The following SLC39A11 variants were observed in gnomAD, a reference collection of about 807,000 sequenced individuals.
SLC39A11 encodes solute carrier family 39 member 11.
Under a neutral mutation model 36.1 loss-of-function variants are expected in SLC39A11, and 33 were observed. The ratio of observed to expected loss-of-function variants is 0.91; its 90% CI spans 0.69 to 1.22. The LOEUF is 1.22. Ranked by LOEUF, SLC39A11 falls within the 50% of genes most tolerant of loss-of-function variation. The probability of loss-of-function intolerance (pLI) is 0.00; values close to 1 mark genes in which losing one functional copy is unlikely to be tolerated. For synonymous variants in SLC39A11, 166 were observed against 170.3 expected (o/e 0.97, Z 0.20); for missense variants, 432 against 430.3 (o/e 1.00, Z -0.03).
intron 4 of SLC39A11, among the ~76,000 whole-genome samples, chr17:72,990,908 A>G (rs187674063): frequency 8.5e-5 from 13 of 152,358 alleles, no homozygotes; most frequent in Middle Eastern, 3.4e-3. Context: ...TGACTATTAC[A>G]TGAGACAAAG....
chr17:72,970,265 A>C (rs1443282130), intron 4 of SLC39A11, among the ~76,000 whole-genome samples: 1 of 152,208 alleles, frequency 6.6e-6, no homozygotes. Flanking sequence ...TTTTGCTCTG[A>C]ACTAGGAACC....
chr17:73,010,756 CTTTTCT>C (rs2090463664), intron 4 of SLC39A11, among the ~76,000 whole-genome samples: 2 of 152,044 alleles, frequency 1.3e-5, no homozygotes, highest in Non-Finnish European at 2.9e-5. Context: ...TCAGATTAAG[CTTTTCT>C]TTTTGTCTCC....
chr17:72,669,984 ATATACGTATAGATG>A lies in SLC39A11; in HGVS notation c.672-20730_672-20717del, dbSNP rs1371443478. Among the ~76,000 whole-genome samples the A allele has an allele frequency of 1.6e-3, 236 of 146,004 alleles. 60 individuals carry two copies. Among genetic ancestry groups the A allele is most frequent in the South Asian group, 4.9e-3 (22 of 4,466 alleles). ...TATACGTATAGATGTATATACACAT[ATATACGTATAGATG>A]TATATACACATATATATACGTATAG... On this transcript the variant is annotated intron_variant, in intron 7 of 9. Coordinates refer to ENST00000255559, the MANE Select transcript of SLC39A11 (RefSeq NM_139177.4).
intron 7 of SLC39A11, among the ~76,000 whole-genome samples, chr17:72,720,882 T>C (rs2073632311): frequency 6.6e-6 from 1 of 152,004 alleles, no homozygotes; most frequent in Non-Finnish European, 1.5e-5. Context: ...TGCCTATTCA[T>C]CCCCCGAACA....
chr17:72,728,719 A>C (rs1027456955), intron 7 of SLC39A11, among the ~76,000 whole-genome samples: 2 of 152,118 alleles, frequency 1.3e-5, no homozygotes, highest in African/African-American at 2.4e-5. Context: ...AAGGAGTCAT[A>C]AACTATCTGG....
chr17:72,974,249 G>A (rs750868584), intron 4 of SLC39A11, among the ~76,000 whole-genome samples: 34 of 152,042 alleles, frequency 2.2e-4, no homozygotes, highest in Middle Eastern at 3.4e-3. Context: ...ACAGGCGCCC[G>A]CCACCACACT....
intron 5 of SLC39A11, among the ~76,000 whole-genome samples, chr17:72,909,728 TTC>T (rs1386517115): frequency 6.9e-6 from 1 of 145,482 alleles, no homozygotes; most frequent in Non-Finnish European, 1.5e-5. Context: ...TCAACTGTCT[TTC>T]TTTCTTTTTT....
intron 5 of SLC39A11, among the ~76,000 whole-genome samples, chr17:72,898,847 C>G (rs937851887): frequency 3.3e-5 from 5 of 152,206 alleles, no homozygotes; most frequent in Non-Finnish European, 5.9e-5. Context: ...CTTCAGAACC[C>G]TCACTCTTTC....
At chr17:73,062,747 G>A (rs560542303) in intron 3 of SLC39A11, among the ~76,000 whole-genome samples, 2 of 152,262 alleles carry the variant, frequency 1.3e-5, no homozygotes, top group Non-Finnish European at 2.9e-5. Context: ...ACGGATTGGG[G>A]GTGGGGGATG....
At chr17:72,706,983 G>A (rs539270149) in intron 7 of SLC39A11, among the ~76,000 whole-genome samples, 1 of 152,202 alleles carries the variant, frequency 6.6e-6, no homozygotes, top group African/African-American at 2.4e-5. Flanking sequence ...GGTAGCCATG[G>A]GTTATGTGTG....
chr17:73,025,341 CA>C (rs1287001402), intron 4 of SLC39A11, among the ~76,000 whole-genome samples: 2 of 152,104 alleles, frequency 1.3e-5, no homozygotes, highest in African/African-American at 4.8e-5. Flanking sequence ...ACACATCTCC[CA>C]GGAAAAAGTC....
At chr17:72,709,426 C>A (rs1469268866) in intron 7 of SLC39A11, among the ~76,000 whole-genome samples, 1 of 152,168 alleles carries the variant, frequency 6.6e-6, no homozygotes, top group Non-Finnish European at 1.5e-5. Flanking sequence ...GTGTGCTCAC[C>A]AATTGGCCCA....
At chr17:72,941,629 A>T (rs2085105033) in intron 5 of SLC39A11, among the ~76,000 whole-genome samples, 1 of 151,284 alleles carries the variant, frequency 6.6e-6, no homozygotes, top group Admixed American at 6.6e-5. Flanking sequence ...CAAATAGAAC[A>T]CTCTTCAGAA....
In SLC39A11 at chr17:72,854,012, G is replaced by C. The variant is rs558180642; in HGVS notation, c.431-4208C>G. 2.9e-4 allele frequency among the ~76,000 whole-genome samples: 44 copies of C among 152,148 alleles called. No homozygotes were observed. In the South Asian group the frequency reaches 8.9e-3, roughly 31 times the overall value. Reference sequence around the variant, plus strand: ...GTTTGGGAAGGAGGAGTAGAGGGGGGACTATTTCATTTAGGGATGAAATAG... The same window carrying C: ...GTTTGGGAAGGAGGAGTAGAGGGGGCACTATTTCATTTAGGGATGAAATAG... On this transcript the variant is annotated intron_variant, in intron 5 of 9. Coordinates refer to ENST00000255559, the MANE Select transcript of SLC39A11 (RefSeq NM_139177.4).
intron 5 of SLC39A11, among the ~76,000 whole-genome samples, chr17:72,926,851 G>A (rs1230831762): frequency 2.0e-5 from 3 of 152,050 alleles, no homozygotes; most frequent in Admixed American, 1.3e-4. Flanking sequence ...CCTGACCCCA[G>A]GGGGACACCT....
At chr17:72,795,150 A>G (rs745464877) in intron 6 of SLC39A11, among the ~76,000 whole-genome samples, 9 of 152,092 alleles carry the variant, frequency 5.9e-5, no homozygotes, top group Admixed American at 3.3e-4. Context: ...GGCTCATACC[A>G]ATAATCCTGT....
chr17:72,866,175 G>A (rs536913886), intron 5 of SLC39A11, among the ~76,000 whole-genome samples: 36 of 152,214 alleles, frequency 2.4e-4, no homozygotes, highest in African/African-American at 7.0e-4. Context: ...TCCACCTCCC[G>A]TCAGATCACC....
At chr17:72,653,268 C>A (rs1054029411) in intron 7 of SLC39A11, among the ~76,000 whole-genome samples, 1 of 151,260 alleles carries the variant, frequency 6.6e-6, no homozygotes. Flanking sequence ...CCACACCCCC[C>A]TATTTTTTTT....
At chr17:72,931,522 C>T (rs2084396136) in intron 5 of SLC39A11, among the ~76,000 whole-genome samples, 1 of 152,158 alleles carries the variant, frequency 6.6e-6, no homozygotes, top group Admixed American at 6.5e-5. Context: ...TCATCCGCTG[C>T]CCCAAATTTT....
Sources: gnomAD v4.1 joint callset for allele counts (sites outside exome capture counted in the v4.1 genomes callset) on GRCh38, gnomAD v4.1.1 for gene constraint, MANE v1.5 for transcripts, NCBI Gene and HGNC (gene_info 2026-07-23, HGNC 2026-07-21) for gene names.